The following VWF variants were observed in gnomAD, a reference collection of about 807,000 sequenced individuals.
VWF encodes the protein Factor VIII related antigen.
In VWF, 176 loss-of-function variants were observed where a neutral mutation model predicts 308.6. That is an observed-to-expected ratio of 0.57 (90% CI 0.50 to 0.65). The LOEUF is 0.65. Among genes scored for constraint, VWF ranks in the 30% least tolerant of loss-of-function variants. The probability of loss-of-function intolerance (pLI) is 0.00; values close to 1 mark genes in which losing one functional copy is unlikely to be tolerated. For missense variants in VWF, 3,146 were observed against 3,648.2 expected, an observed-to-expected ratio of 0.86 and a Z score of 3.55; for synonymous variants, 1,385 against 1,443.4, an observed-to-expected ratio of 0.96 and a Z score of 0.92.
At position 6,017,007 on chromosome 12, in the gene VWF, C is replaced by T. The variant is rs541707462; in HGVS notation, c.5054-137G>A. On this transcript the variant is annotated intron_variant, in intron 28 of 51. Coordinates refer to ENST00000261405, the MANE Select transcript of VWF (RefSeq NM_000552.5). ...CACCAAGGGGGGCGGGGGGTGCCTT[C>T]GTGAGTACAAGGGCAATGTGGGCCA... 1.2e-4 allele frequency: 112 copies of T among 902,244 alleles called. No individual in the cohort carries two copies. In the South Asian group the frequency reaches 1.3e-3, roughly 10 times the overall value. The allele number at this position is 902,244 out of a possible 1,614,324, so 55.9% of individuals were successfully genotyped here. A position where few individuals can be genotyped will look rare whatever the true frequency, so the allele number is the denominator to read the frequency against.
At chr12:6,111,365 T>C (rs1217767999) in intron 3 of VWF, among the ~76,000 whole-genome samples, 2 of 152,164 alleles carry the variant, frequency 1.3e-5, no homozygotes, top group East Asian at 1.9e-4. Context: ...GAGAGTGTTA[T>C]TTATTCATTC....
chr12:6,109,489 G>A (rs1383598813), intron 5 of VWF, among the ~76,000 whole-genome samples: 1 of 152,048 alleles, frequency 6.6e-6, no homozygotes, highest in Non-Finnish European at 1.5e-5. Flanking sequence ...CCAATGAAAG[G>A]AAGAGTCAAT....
At chr12:6,092,628 T>A (rs144959320) in intron 6 of VWF, among the ~76,000 whole-genome samples, 34,384 of 79,630 alleles carry the variant, frequency 0.43, 5,464 homozygotes, top group Middle Eastern at 0.49. Context: ...AGTGTGTGTG[T>A]GTGTGTGTGT....
At chr12:6,104,707 A>AT (rs1253644628) in intron 5 of VWF, among the ~76,000 whole-genome samples, 2 of 152,044 alleles carry the variant, frequency 1.3e-5, no homozygotes, top group African/African-American at 4.8e-5. Flanking sequence ...GGAAAAAAAA[A>AT]AAATATATAG....
Position 6,034,767 on chromosome 12 carries a change from G to A in VWF, c.2606C>T (p.Thr869Met), listed in dbSNP as rs1195095761. 1.9e-5 allele frequency: 30 copies of A among 1,614,102 alleles called. No individual in the cohort carries two copies. The highest frequency in any genetic ancestry group is 2.3e-5 in the Non-Finnish European group (27 of 1,180,050). Residue 869 changes from threonine to methionine, a missense_variant, in exon 20 of 52, where the codon ACG becomes ATG. Coordinates refer to ENST00000261405, the MANE Select transcript of VWF (RefSeq NM_000552.5). ...TDHVCDATCS[T>M]IGMAHYLTFD... ...GGTGAGGTAGTGGGCCATGCCGATC[G>A]TGGAGCACGTGGCATCACACACATG...
intron 22 of VWF, among the ~76,000 whole-genome samples, chr12:6,028,957 C>T (rs891422822): frequency 2.6e-5 from 4 of 152,134 alleles, no homozygotes; most frequent in Non-Finnish European, 5.9e-5. Context: ...TTAAAAGGCA[C>T]AGACTGGCCA....
chr12:6,102,486 C>T (rs1945175597), intron 5 of VWF, among the ~76,000 whole-genome samples: 1 of 152,096 alleles, frequency 6.6e-6, no homozygotes, highest in African/African-American at 2.4e-5. Flanking sequence ...CCTGTAATCC[C>T]AGCACTGTGG....
At chr12:5,966,977 A>T (rs1943411021) in intron 47 of VWF, among the ~76,000 whole-genome samples, 1 of 152,226 alleles carries the variant, frequency 6.6e-6, no homozygotes, top group Admixed American at 6.5e-5. Flanking sequence ...ACCTCAAGGA[A>T]GTATTCAGAA....
At chr12:6,043,994 C>T (rs144498993) in intron 18 of VWF, among the ~76,000 whole-genome samples, 3 of 152,122 alleles carry the variant, frequency 2.0e-5, no homozygotes, top group South Asian at 4.1e-4. Context: ...TTTACTAGTA[C>T]GTATTTTCTG....
chr12:5,950,002 C>T, intron 50 of VWF, 119 bp from the exon 51 acceptor site: 4 of 848,680 alleles, frequency 4.7e-6, no homozygotes, highest in Non-Finnish European at 7.8e-6. Context: ...CAAATAAAGC[C>T]AGCCACAGGG....
chr12:6,022,134 C>G, intron 26 of VWF, 99 bp from the exon 27 acceptor site: 1 of 1,553,858 alleles, frequency 6.4e-7, no homozygotes, highest in Non-Finnish European at 8.9e-7. Flanking sequence ...CTCCTCCTGC[C>G]CTAGAAGCCA....
chr12:6,104,080 A>C (rs1945213579), intron 5 of VWF, among the ~76,000 whole-genome samples: 1 of 152,162 alleles, frequency 6.6e-6, no homozygotes, highest in Admixed American at 6.6e-5. Context: ...AACAATGAAA[A>C]ATAACAAATA....
At chr12:6,031,321 T>A in intron 21 of VWF, 123 bp downstream of exon 21, 1 of 1,544,788 alleles carries the variant, frequency 6.5e-7, no homozygotes, top group Non-Finnish European at 8.9e-7. Context: ...CTCTGCCTCA[T>A]CCTCTTTAAT....
intron 6 of VWF, among the ~76,000 whole-genome samples, chr12:6,091,283 G>T (rs535948526): frequency 6.6e-6 from 1 of 151,602 alleles, no homozygotes; most frequent in Non-Finnish European, 1.5e-5. Flanking sequence ...TTACCGTGAT[G>T]GGGGGTGGGT....
intron 3 of VWF, among the ~76,000 whole-genome samples, chr12:6,113,683 T>G (rs141234486): frequency 2.5e-4 from 38 of 152,358 alleles, no homozygotes; most frequent in African/African-American, 8.9e-4. Context: ...CTTTCAACTT[T>G]TCTGTATGTT....
chr12:6,006,604 C>T (rs564438011), intron 34 of VWF, among the ~76,000 whole-genome samples: 41 of 152,150 alleles, frequency 2.7e-4, no homozygotes, highest in Admixed American at 2.1e-3. Context: ...ATGGTGAAAC[C>T]CCGTCTCTAC....
intron 43 of VWF, among the ~76,000 whole-genome samples, chr12:5,972,747 T>G (rs1325551038): frequency 1.3e-5 from 2 of 152,184 alleles, no homozygotes; most frequent in African/African-American, 2.4e-5. Flanking sequence ...TCATTTACTG[T>G]GCACCTATGA....
intron 17 of VWF, 27 bp from the exon 18 acceptor site, chr12:6,044,478 G>A: frequency 6.2e-7 from 1 of 1,611,898 alleles, no homozygotes; most frequent in Non-Finnish European, 8.5e-7. Flanking sequence ...GCAAAGAGAT[G>A]ATTAGTGAAG....
chr12:6,054,294 C>G (rs1944552264), intron 15 of VWF, among the ~76,000 whole-genome samples: 1 of 152,110 alleles, frequency 6.6e-6, no homozygotes, highest in Non-Finnish European at 1.5e-5. Flanking sequence ...TTTTTCTCTG[C>G]AAGAATGGAA....
Sources: gnomAD v4.1 joint callset for allele counts (sites outside exome capture counted in the v4.1 genomes callset) on GRCh38, gnomAD v4.1.1 for gene constraint, MANE v1.5 for transcripts, NCBI Gene and HGNC (gene_info 2026-07-23, HGNC 2026-07-21) for gene names.